The following PRKCZ variants were observed in gnomAD, a reference collection of about 807,000 sequenced individuals.
PRKCZ encodes the protein protein kinase C zeta.
PRKCZ carries 33 observed loss-of-function variants against 79.5 expected under a neutral mutation model. That is an observed-to-expected ratio of 0.41 (90% CI 0.31 to 0.55). The LOEUF (loss-of-function observed/expected upper bound fraction) is 0.55. Ranked by LOEUF, PRKCZ falls within the 20% of genes least tolerant of loss-of-function variation. The pLI, the probability that PRKCZ is intolerant of heterozygous loss-of-function variation, is 0.19. For missense variants in PRKCZ, 578 were observed against 813.5 expected, an observed-to-expected ratio of 0.71 and a Z score of 3.52; for synonymous variants, 342 against 320.9, an observed-to-expected ratio of 1.07 and a Z score of -0.70.
rs1687361841 is a variant in PRKCZ, at chr1:2,184,992, A to G, written c.1762A>G (p.Thr588Ala). ...GTATATCAACCCATTATTGCTGTCC[A>G]CCGAGGAGTCGGTGTGAGGCCGCGT... The part of the protein sequence containing the change: ...FEYINPLLLS[T>A]EESV The change falls in exon 18 of 18, where the codon ACC (threonine) becomes GCC (alanine). Residue 588 changes from threonine to alanine, a missense_variant. Physicochemically the swap from Thr to Ala is moderately conservative, Grantham distance 58. Around this residue, in one of 4 missense-constraint regions of PRKCZ, gnomAD observed 243 missense variants for 467.0 expected, o/e 0.52. Coordinates refer to ENST00000378567, the MANE Select transcript of PRKCZ (RefSeq NM_002744.6). The G allele has an allele frequency of 1.2e-6, 2 of 1,613,294 alleles. No homozygotes were observed.
intron 9 of PRKCZ, 82 bp downstream of exon 9, chr1:2,151,060 C>A (rs548609511): frequency 3.9e-5 from 57 of 1,480,500 alleles, no homozygotes; most frequent in Non-Finnish European, 4.7e-5. Context: ...GGAATTAATC[C>A]ATGCACGAGA....
At chr1:2,102,069 C>A (rs1327227512) in intron 4 of PRKCZ, among the ~76,000 whole-genome samples, 1 of 152,076 alleles carries the variant, frequency 6.6e-6, no homozygotes, top group Non-Finnish European at 1.5e-5. Flanking sequence ...TGTCTCCTTT[C>A]CCCGGTCACC....
intron 4 of PRKCZ, among the ~76,000 whole-genome samples, chr1:2,093,239 G>T (rs1436385547): frequency 6.6e-6 from 1 of 152,150 alleles, no homozygotes; most frequent in East Asian, 1.9e-4. Context: ...CAGGTGCATG[G>T]TGTGGTCAGG....
rs551565671 is a variant in PRKCZ at position 2,113,653 on chromosome 1, T to C, written c.335-21609T>C. On this transcript the variant is annotated intron_variant, in intron 4 of 17. Transcript: ENST00000378567. Reference sequence around the variant, plus strand: ...GTTGAGTTGGCAACATTTTTTGTCTTTCCTCATGATGCACGAAGTAGTGGT... The same window carrying C: ...GTTGAGTTGGCAACATTTTTTGTCTCTCCTCATGATGCACGAAGTAGTGGT... Among the ~76,000 whole-genome samples the C allele has an allele frequency of 3.9e-5, 6 of 152,318 alleles. No individual in the cohort carries two copies. The South Asian group carries it at 6.2e-4, about 16-fold the overall frequency.
At chr1:2,050,270 C>T (rs1402910127), upstream of PRKCZ, among the ~76,000 whole-genome samples, 6 of 151,682 alleles carry the variant, frequency 4.0e-5, no homozygotes, top group African/African-American at 1.2e-4. Flanking sequence ...CCGCGCCTCG[C>T]CATTGGGCCG....
intron 5 of PRKCZ, among the ~76,000 whole-genome samples, chr1:2,137,675 G>A (rs1676495662): frequency 6.6e-6 from 1 of 152,194 alleles, no homozygotes; most frequent in South Asian, 2.1e-4. Flanking sequence ...CCAGGGCTCC[G>A]GGCAGCACAG....
chr1:2,139,363 G>C (rs985064090), intron 5 of PRKCZ, among the ~76,000 whole-genome samples: 1 of 152,140 alleles, frequency 6.6e-6, no homozygotes, highest in Non-Finnish European at 1.5e-5. Context: ...GCCGAGGTGG[G>C]TGGATCACGA....
intron 4 of PRKCZ, among the ~76,000 whole-genome samples, chr1:2,118,415 G>A (rs1671183580): frequency 2.0e-5 from 3 of 149,656 alleles, no homozygotes; most frequent in Admixed American, 2.0e-4. Flanking sequence ...TCCACTCACT[G>A]CAAGCTCTGC....
chr1:2,068,224 C>T (rs114862970), intron 4 of PRKCZ, among the ~76,000 whole-genome samples: 2,919 of 152,316 alleles, frequency 0.019, 75 homozygotes, highest in African/African-American at 0.067. Flanking sequence ...AGGGGTGGGG[C>T]GGCCCGGCTT....
At chr1:2,065,190 CT>C (rs1170003019) in intron 4 of PRKCZ, among the ~76,000 whole-genome samples, 1 of 152,114 alleles carries the variant, frequency 6.6e-6, no homozygotes, top group East Asian at 1.9e-4. Context: ...TGTGTGTTGA[CT>C]TTTTTGCCTG....
chr1:2,118,754 T>TGTGTGA (rs1440503754), intron 4 of PRKCZ, among the ~76,000 whole-genome samples: 1 of 135,964 alleles, frequency 7.4e-6, no homozygotes, highest in Non-Finnish European at 1.5e-5. Context: ...TGTGTGTGTG[T>TGTGTGA]GAGATGAGGG....
At chr1:2,129,033 G>A (rs1022513483) in intron 4 of PRKCZ, among the ~76,000 whole-genome samples, 10 of 152,046 alleles carry the variant, frequency 6.6e-5, no homozygotes, top group African/African-American at 1.9e-4. Context: ...CTGAAAATTC[G>A]ACTGTGACTT....
intron 4 of PRKCZ, among the ~76,000 whole-genome samples, chr1:2,101,718 G>A (rs1667469019): frequency 6.6e-6 from 1 of 152,114 alleles, no homozygotes; most frequent in South Asian, 2.1e-4. Context: ...TGCATCCTGG[G>A]TCTGGACCGC....
chr1:2,055,326 G>A (rs1660065644), intron 1 of PRKCZ, 115 bp from the exon 2 acceptor site: 2 of 1,314,796 alleles, frequency 1.5e-6, no homozygotes, highest in Non-Finnish European at 2.0e-6. Context: ...CTGTCATATT[G>A]TCTTTGGGGA....
At position 2,177,257 on chromosome 1, in the gene PRKCZ, G is replaced by A. The variant is rs752521261; in HGVS notation, c.1575+1944G>A. 1.3e-5 allele frequency among the ~76,000 whole-genome samples: 2 copies of A among 152,236 alleles called. No individual in the cohort carries two copies. The highest frequency in any genetic ancestry group is 2.1e-4 in the South Asian group (1 of 4,826). Reference sequence around the variant, plus strand: ...ACACACTCAGGTCCAGGTACCACCCGGCTGAACCCGTAGCAGGTGCTTAGT... The same window carrying A: ...ACACACTCAGGTCCAGGTACCACCCAGCTGAACCCGTAGCAGGTGCTTAGT... On this transcript the variant is annotated intron_variant, in intron 16 of 17. Coordinates refer to ENST00000378567, the MANE Select transcript of PRKCZ (RefSeq NM_002744.6). This position sits in a 1 kb window ranked among gnomAD's most constrained non-coding sequence, Gnocchi z 6.4.
At chr1:2,139,081 C>T (rs184033177) in intron 5 of PRKCZ, among the ~76,000 whole-genome samples, 252 of 152,236 alleles carry the variant, frequency 1.7e-3, no homozygotes, top group Non-Finnish European at 3.0e-3. Flanking sequence ...GTTTGTAGCA[C>T]GTAAAACCCA....
At chr1:2,171,945 G>A (rs1684522958) in intron 11 of PRKCZ, 110 bp from the exon 12 acceptor site, 1 of 1,331,734 alleles carries the variant, frequency 7.5e-7, no homozygotes, top group East Asian at 2.5e-5. Context: ...GTCATTGAGA[G>A]GATGCCGGGC....
At chr1:2,164,928 G>C (rs1419382967) in intron 10 of PRKCZ, among the ~76,000 whole-genome samples, 1 of 152,096 alleles carries the variant, frequency 6.6e-6, no homozygotes, top group East Asian at 1.9e-4. Flanking sequence ...TTCACCCCAG[G>C]CCGTGTCTCC....
chr1:2,179,894 C>A (rs923545919), intron 16 of PRKCZ, among the ~76,000 whole-genome samples: 1 of 152,034 alleles, frequency 6.6e-6, no homozygotes, highest in Non-Finnish European at 1.5e-5. Flanking sequence ...GAGCCGGCGG[C>A]AGGGAGGGGA....
Sources: gnomAD v4.1 joint callset for allele counts (sites outside exome capture counted in the v4.1 genomes callset) on GRCh38, gnomAD v4.1.1 for gene constraint, gnomAD v4.1.1 regional missense constraint, Gnocchi (gnomAD v3.1) non-coding constraint, MANE v1.5 for transcripts, NCBI Gene and HGNC (gene_info 2026-07-23, HGNC 2026-07-21) for gene names.